CDH4: variants seen among roughly 807,000 people sequenced by gnomAD.
CDH4 encodes cadherin 4.
Under a neutral mutation model 86.0 loss-of-function variants are expected in CDH4, and 33 were observed. That is an observed-to-expected ratio of 0.38 (90% CI 0.29 to 0.51). CDH4 has a LOEUF of 0.51. CDH4 is among the 20% of genes least tolerant of loss of function. The pLI is 0.86. For synonymous variants in CDH4, 555 were observed against 549.4 expected, an observed-to-expected ratio of 1.01 and a Z score of -0.14; for missense variants, 1,114 against 1,307.4, an observed-to-expected ratio of 0.85 and a Z score of 2.28.
intron 2 of CDH4, among the ~76,000 whole-genome samples, chr20:61,689,908 A>G (rs889592072): frequency 0.011 from 561 of 49,176 alleles, no homozygotes; most frequent in Middle Eastern, 0.037. Flanking sequence ...TGTGGAATTG[A>G]GCTGGGACGG....
At chr20:61,716,768 GT>G (rs2087960296) in intron 2 of CDH4, among the ~76,000 whole-genome samples, 3 of 152,120 alleles carry the variant, frequency 2.0e-5, no homozygotes, top group African/African-American at 7.2e-5. Context: ...AATTAGCTAG[GT>G]GTTTGGTGGG....
intron 2 of CDH4, among the ~76,000 whole-genome samples, chr20:61,361,983 C>G (rs1166118667): frequency 6.6e-6 from 1 of 152,222 alleles, no homozygotes; most frequent in Admixed American, 6.5e-5. Flanking sequence ...CCACACTCTC[C>G]GAGAGGGGAC....
At chr20:61,384,110 T>C (rs1017177809) in intron 2 of CDH4, among the ~76,000 whole-genome samples, 1 of 152,130 alleles carries the variant, frequency 6.6e-6, no homozygotes, top group African/African-American at 2.4e-5. Flanking sequence ...TTAGCTGTGC[T>C]GGCAGCTGAT....
At chr20:61,444,060 CTG>C (rs1162475364) in intron 2 of CDH4, among the ~76,000 whole-genome samples, 3 of 34,168 alleles carry the variant, frequency 8.8e-5, no homozygotes, top group Non-Finnish European at 2.2e-4. Context: ...CTCTGGTTGT[CTG>C]TGTGTGTGTC....
rs1715007285 is a variant in CDH4, at chr20:61,879,928, T to C, written c.1050+6028T>C. Among the ~76,000 whole-genome samples the C allele has an allele frequency of 6.6e-6, 1 of 152,116 alleles. No individual in the cohort carries two copies. Among genetic ancestry groups the C allele is most frequent in the African/African-American group, 2.4e-5 (1 of 41,428 alleles). On this transcript the variant is annotated intron_variant, in intron 7 of 15. Transcript: ENST00000614565. The surrounding 1 kb of genome is among the most constrained non-coding windows in gnomAD (Gnocchi z 4.1). ...CTGGTCACCTCCATCAGCTTGAAAT[T>C]TCTTCCCAAACAAGGGGGGCCGAAT...
At chr20:61,735,899 G>C (rs74969326) in intron 2 of CDH4, among the ~76,000 whole-genome samples, 140 of 152,314 alleles carry the variant, frequency 9.2e-4, no homozygotes, top group African/African-American at 3.3e-3. Flanking sequence ...TATTGAGGAT[G>C]TGCTTCTGAA....
At chr20:61,562,249 C>CA (rs2086223291) in intron 2 of CDH4, among the ~76,000 whole-genome samples, 1 of 62,628 alleles carries the variant, frequency 1.6e-5, no homozygotes, top group East Asian at 5.6e-4. Flanking sequence ...CCAGGGCTCC[C>CA]GGAGAGAGAG....
chr20:61,555,064 A>G (rs1311035429), intron 2 of CDH4, among the ~76,000 whole-genome samples: 3 of 152,168 alleles, frequency 2.0e-5, no homozygotes, highest in Admixed American at 2.0e-4. Flanking sequence ...GTGTATCTGT[A>G]TATGATGTCT....
intron 9 of CDH4, 47 bp from the exon 10 acceptor site, chr20:61,923,404 C>G: frequency 6.2e-7 from 1 of 1,601,986 alleles, no homozygotes; most frequent in South Asian, 1.1e-5. Flanking sequence ...TGCCCACTCC[C>G]ACGGGAGCTG....
chr20:61,870,223 C>T (rs185360770), intron 6 of CDH4, among the ~76,000 whole-genome samples: 352 of 152,288 alleles, frequency 2.3e-3, no homozygotes, highest in African/African-American at 8.0e-3. Flanking sequence ...GTGACTGGCC[C>T]GAGTTCCTGC....
intron 2 of CDH4, among the ~76,000 whole-genome samples, chr20:61,722,559 A>G (rs921918543): frequency 6.6e-6 from 1 of 152,176 alleles, no homozygotes; most frequent in African/African-American, 2.4e-5. Context: ...CAGTCTCTGC[A>G]CTGGCCATCG....
intron 2 of CDH4, among the ~76,000 whole-genome samples, chr20:61,421,701 G>A (rs1034595080): frequency 1.3e-5 from 2 of 152,234 alleles, no homozygotes; most frequent in African/African-American, 4.8e-5. Flanking sequence ...ACAGGTGGAT[G>A]TGAGTCTTCT....
chr20:61,874,999 G>A (rs1007249008), intron 7 of CDH4, among the ~76,000 whole-genome samples: 2 of 152,174 alleles, frequency 1.3e-5, no homozygotes, highest in Admixed American at 6.5e-5. Flanking sequence ...CTGGGTGTGC[G>A]GGGACCCCAC....
At chr20:61,619,710 TC>T (rs1396907343) in intron 2 of CDH4, among the ~76,000 whole-genome samples, 1 of 152,198 alleles carries the variant, frequency 6.6e-6, no homozygotes, top group Non-Finnish European at 1.5e-5. Context: ...GTGATCTGTA[TC>T]CTCACGTGAG....
At chr20:61,337,399 G>A (rs938481297) in intron 2 of CDH4, among the ~76,000 whole-genome samples, 2 of 36,046 alleles carry the variant, frequency 5.5e-5, no homozygotes, top group African/African-American at 2.0e-4. Context: ...TAATAAAACT[G>A]ATGGAGATCA....
intron 3 of CDH4, among the ~76,000 whole-genome samples, chr20:61,760,394 C>T (rs2088620064): frequency 6.6e-6 from 1 of 152,150 alleles, no homozygotes; most frequent in Non-Finnish European, 1.5e-5. Flanking sequence ...AGAGGGGTCC[C>T]AGGACTGCAG....
intron 2 of CDH4, among the ~76,000 whole-genome samples, chr20:61,637,426 G>C (rs563941039): frequency 6.6e-6 from 1 of 152,172 alleles, no homozygotes; most frequent in South Asian, 2.1e-4. Context: ...ATCCCAGTGT[G>C]AACGTTGGAG....
At chr20:61,593,548 G>A (rs771034324) in intron 2 of CDH4, among the ~76,000 whole-genome samples, 13 of 152,164 alleles carry the variant, frequency 8.5e-5, no homozygotes, top group Non-Finnish European at 1.5e-5. Flanking sequence ...TTATCCCAGG[G>A]GCGTGCAGCA....
intron 5 of CDH4, among the ~76,000 whole-genome samples, chr20:61,852,278 C>A (rs1006631257): frequency 9.2e-5 from 14 of 152,206 alleles, no homozygotes; most frequent in Admixed American, 9.2e-4. Context: ...CCCTTGCACA[C>A]CCCGACCTGT....
Sources: allele counts gnomAD v4.1 joint callset (sites outside exome capture counted in the v4.1 genomes callset), GRCh38; gene constraint gnomAD v4.1.1; non-coding constraint Gnocchi (gnomAD v3.1); transcripts MANE v1.5; gene names NCBI Gene and HGNC (gene_info 2026-07-23, HGNC 2026-07-21).